Variants in MMP12 observed in about 807,000 individuals in gnomAD.
MMP12 encodes the protein matrix metallopeptidase 12.
A neutral mutation model predicts 45.2 loss-of-function variants in MMP12; 51 were observed. The observed-to-expected ratio is 1.13, with a 90% confidence interval of 0.90 to 1.42. The LOEUF (loss-of-function observed/expected upper bound fraction) is 1.42, where lower values mean the gene tolerates loss of function less well. Ranked by LOEUF, MMP12 falls within the 40% of genes most tolerant of loss-of-function variation. MMP12 has a pLI of 0.00. For synonymous variants in MMP12, 210 were observed against 193.3 expected (o/e 1.09, Z -0.72); for missense variants, 530 against 570.8 (o/e 0.93, Z 0.73).
Position 102,871,668 on chromosome 11 carries a change from G to A in MMP12, c.551C>T (p.Ala184Val), listed in dbSNP as rs1859498987. The part of the protein sequence containing the change: ...FDGKGGILAH[A>V]FGPGSGIGGD... The stretch of plus-strand genomic sequence containing the variant: ...TCCAATGCCAGATCCAGGTCCAAAA[G>A]CATGGGCTAGGATTCCACCTTTGCC... The change falls in exon 4 of 10, where the codon GCT (alanine) becomes GTT (valine). Residue 184 changes from alanine (A) to valine (V), a missense_variant. By Grantham distance (64) the Ala-to-Val change is moderately conservative (BLOSUM62 0). Coordinates refer to ENST00000571244, the MANE Select transcript of MMP12 (RefSeq NM_002426.6). 1 of 1,598,468 alleles carries A rather than the reference G, an allele frequency of 6.3e-7. No homozygotes were observed. The highest frequency in any genetic ancestry group is 2.2e-5 in the East Asian group (1 of 44,528).
At chr11:102,869,710 A>C (rs895375312) in intron 4 of MMP12, among the ~76,000 whole-genome samples, 1 of 151,892 alleles carries the variant, frequency 6.6e-6, no homozygotes, top group Non-Finnish European at 1.5e-5. Flanking sequence ...CAGGAGTTCG[A>C]GAGCAGCCTG....
At chr11:102,873,279 A>G (rs1222718820) in intron 1 of MMP12, among the ~76,000 whole-genome samples, 167 bp from the exon 2 acceptor site, 1 of 151,972 alleles carries the variant, frequency 6.6e-6, no homozygotes. Flanking sequence ...TATAATCAGG[A>G]AAAAAAACCT....
chr11:102,871,855 T>C lies in MMP12; in HGVS notation c.448A>G (p.Ser150Gly), dbSNP rs1859503334. The C allele has an allele frequency of 1.9e-6, 3 of 1,613,590 alleles. No homozygotes were observed. The highest frequency in any genetic ancestry group is 2.2e-5 in the South Asian group (2 of 90,930). The change falls in exon 3 of 10, where the codon AGC becomes GGC. Residue 150 changes from serine to glycine, a missense_variant. Transcript: ENST00000571244. ...TCAGCCATGCCTGTGTTAATCTTGC[T>C]GAATTTCAAGGGGGTAACATTACTC... Reference protein sequence around the residue: ...VWSNVTPLKFSKINTGMADIL... With the variant: ...VWSNVTPLKFGKINTGMADIL...
rs782329743 is a variant in MMP12, at chr11:102,866,456, G to A, written c.912-8C>T. The A allele has an allele frequency of 3.5e-5, 57 of 1,610,222 alleles. No individual in the cohort carries two copies. The highest frequency in any genetic ancestry group is 1.2e-4 in the Admixed American group (7 of 59,548). On this transcript the variant is annotated splice_polypyrimidine_tract_variant and splice_region_variant and intron_variant, in intron 6 of 9. Transcript: ENST00000571244. ...ACCTTCAGCCAGAAGAACCTGACAT[G>A]AAAGACATTTGACACATGTTAAAAG...
chr11:102,871,063 C>A (rs1591120832), intron 4 of MMP12, among the ~76,000 whole-genome samples: 1 of 151,908 alleles, frequency 6.6e-6, no homozygotes, highest in South Asian at 2.1e-4. Flanking sequence ...AGATCCTGTC[C>A]CTATAAAAAA....
Position 102,867,825 on chromosome 11 carries a change from G to GT in MMP12, c.787+82dup, listed in dbSNP as rs1465294303. The GT allele has an allele frequency of 1.0e-5, 14 of 1,400,898 alleles. No homozygotes were observed. In the African/African-American group the frequency reaches 1.4e-4, roughly 14 times the overall value. 86.8% of individuals were successfully genotyped at this position (1,400,898 alleles called of 1,614,324 possible). A position where few individuals can be genotyped will look rare whatever the true frequency, so the allele number is the denominator to read the frequency against. On this transcript the variant is annotated intron_variant, in intron 5 of 9. Transcript: ENST00000571244. Reference sequence around the variant, plus strand: ...GGCTTAAAAAAAGACAGATATTAACGTTTTATCCAAATATAGATATTGTTA... The same window carrying GT: ...GGCTTAAAAAAAGACAGATATTAACGTTTTTATCCAAATATAGATATTGTTA...
intron 4 of MMP12, 72 bp from the exon 5 acceptor site, chr11:102,868,141 C>T: frequency 7.8e-7 from 1 of 1,274,284 alleles, no homozygotes; most frequent in Non-Finnish European, 1.1e-6. Flanking sequence ...ATATCTGACA[C>T]AGTGAAAAAG....
intron 4 of MMP12, among the ~76,000 whole-genome samples, chr11:102,869,066 G>A (rs1859446923): frequency 6.6e-6 from 1 of 152,100 alleles, no homozygotes; most frequent in Non-Finnish European, 1.5e-5. Flanking sequence ...GAAGAGAGAG[G>A]GGTATGTCCC....
At chr11:102,863,496 A>G (rs1859329129) in intron 9 of MMP12, among the ~76,000 whole-genome samples, 1 of 152,200 alleles carries the variant, frequency 6.6e-6, no homozygotes, top group South Asian at 2.1e-4. Flanking sequence ...GGCCCTTGGT[A>G]TCATACCCCC....
chr11:102,863,725 C>T (rs1378220649), intron 9 of MMP12, among the ~76,000 whole-genome samples: 1 of 152,160 alleles, frequency 6.6e-6, no homozygotes, highest in Non-Finnish European at 1.5e-5. Context: ...ACCCGCAGTC[C>T]CCAGTCCATG....
chr11:102,873,658 A>G (rs1453883096), intron 1 of MMP12, among the ~76,000 whole-genome samples: 2 of 152,186 alleles, frequency 1.3e-5, no homozygotes, highest in Non-Finnish European at 2.9e-5. Flanking sequence ...ACTATTAGCT[A>G]GATTTATTCC....
rs201621669 is a variant in MMP12, at chr11:102,872,819, C to A, written c.350+46G>T. On this transcript the variant is annotated intron_variant, in intron 2 of 9. Transcript: ENST00000571244. ...TAACTGGTTCAGGTTAGAAGTCAGA[C>A]CTATGGGAAAGTAGAAAAATACAGG... 257 of 1,600,478 alleles carry A rather than the reference C, an allele frequency of 1.6e-4. 3 individuals are homozygous for A. The South Asian group carries it at 2.7e-3, about 17-fold the overall frequency.
At chr11:102,871,534 T>C in intron 4 of MMP12, 60 bp downstream of exon 4, 1 of 1,534,542 alleles carries the variant, frequency 6.5e-7, no homozygotes, top group Non-Finnish European at 8.8e-7. Flanking sequence ...TTAGGGTTTT[T>C]GTTGTTTTCC....
intron 9 of MMP12, 97 bp downstream of exon 9, chr11:102,864,049 G>T: frequency 1.1e-6 from 1 of 936,826 alleles, no homozygotes; most frequent in Non-Finnish European, 1.7e-6. Context: ...GCAGAAACCT[G>T]TCCCTTTCCA....
In MMP12 at chr11:102,873,034, T is replaced by G. The variant is rs1422753499; in HGVS notation, c.181A>C (p.Lys61Gln). Residue 61 changes from lysine to glutamine, a missense_variant, in exon 2 of 10, where the codon AAG becomes CAG. Transcript: ENST00000571244. ...TGCTGCATTTCTTGGATTTTTTCCT[T>G]CATTAAGTTTCCACTATATTTCATT... Reference protein sequence around the residue: ...TKMKYSGNLMKEKIQEMQHFL... With the variant: ...TKMKYSGNLMQEKIQEMQHFL... 3 of 1,613,070 alleles carry G rather than the reference T, an allele frequency of 1.9e-6. No individual in the cohort carries two copies. The South Asian group carries it at 3.3e-5, about 18-fold the overall frequency.
chr11:102,874,635 T>G (rs1409848727), intron 1 of MMP12, among the ~76,000 whole-genome samples: 2 of 152,190 alleles, frequency 1.3e-5, no homozygotes, highest in Admixed American at 1.3e-4. Context: ...TTCATAACAG[T>G]CCTTCAAAAC....
At position 102,864,229 on chromosome 11, in the gene MMP12, A is replaced by T; in HGVS notation, c.1229T>A (p.Met410Lys). 6.2e-7 allele frequency: 1 copy of T among 1,613,696 alleles called. No homozygotes were observed. Among genetic ancestry groups the T allele is most frequent in the Non-Finnish European group, 8.5e-7 (1 of 1,179,698 alleles). Reference protein sequence around the residue: ...YWRYDERRQMMDPGYPKLITK... With the variant: ...YWRYDERRQMKDPGYPKLITK... ...AATCAGTTTGGGATAACCAGGGTCC[A>T]TCATCTGTCTCCTTTCATCATACCT... Residue 410 changes from methionine to lysine, a missense_variant, in exon 9 of 10, where the codon ATG becomes AAG. Met to Lys is a moderately conservative substitution (Grantham distance 95). Transcript: ENST00000571244.
At position 102,867,375 on chromosome 11, in the gene MMP12, TG is replaced by T. The variant is rs1859410488; in HGVS notation, c.805del (p.Gln269AsnfsTer18). 1 of 1,610,012 alleles carries T rather than the reference TG, an allele frequency of 6.2e-7. No homozygotes were observed. The highest frequency in any genetic ancestry group is 1.3e-5 in the African/African-American group (1 of 74,790). On this transcript the variant is annotated frameshift_variant, in exon 6 of 10. Coordinates refer to ENST00000571244, the MANE Select transcript of MMP12 (RefSeq NM_002426.6). LOFTEE classifies it high-confidence loss of function. ...QSLYGDPKEN[Q>X]RLPNPDNSEP... Reference sequence around the variant, plus strand: ...TGAATTGTCAGGATTTGGCAAGCGTTGGTTCTCTTTTGGGTCTCCTGAAAAT... The same window carrying T: ...TGAATTGTCAGGATTTGGCAAGCGTTGTTCTCTTTTGGGTCTCCTGAAAAT...
At position 102,871,844 on chromosome 11, in the gene MMP12, G is replaced by A. The variant is rs1555009407; in HGVS notation, c.459C>T (p.Asn153=). Residue 153 remains asparagine, a synonymous_variant, in exon 3 of 10, where the codon AAC becomes AAT. Transcript: ENST00000571244. ...CCACCAAAATGTCAGCCATGCCTGT[G>A]TTAATCTTGCTGAATTTCAAGGGGG... The part of the protein sequence containing the change: ...NVTPLKFSKI[N]TGMADILVVF... 1.2e-6 allele frequency: 2 copies of A among 1,613,554 alleles called. No homozygotes were observed. Among genetic ancestry groups the A allele is most frequent in the East Asian group, 2.2e-5 (1 of 44,878 alleles).
Sources: allele counts gnomAD v4.1 joint callset (sites outside exome capture counted in the v4.1 genomes callset), GRCh38; gene constraint gnomAD v4.1.1; transcripts MANE v1.5; gene names NCBI Gene and HGNC (gene_info 2026-07-23, HGNC 2026-07-21).